LRP1B: variants seen among roughly 807,000 people sequenced by gnomAD.
LRP1B encodes low-density lipoprotein receptor-related protein 1B.
LRP1B carries 217 observed loss-of-function variants against 556.6 expected under a neutral mutation model. The observed-to-expected ratio is 0.39, with a 90% CI of 0.35 to 0.44. LRP1B has a LOEUF of 0.44. Ranked by LOEUF, LRP1B falls within the 20% of genes least tolerant of loss-of-function variation. LRP1B has a pLI of 1.00. For synonymous variants in LRP1B, 2,047 were observed against 1,865.8 expected (o/e 1.10, Z -2.50); for missense variants, 5,053 against 5,620.8 (o/e 0.90, Z 3.23).
rs966773683 is a variant in LRP1B, at chr2:140,740,941, G to A, written c.5759-24125C>T. Reference sequence around the variant, plus strand: ...AATATGGTCACATACTGAGGGGCTAGGGGTTAGAACTTCAACAAATGAATT... The same window carrying A: ...AATATGGTCACATACTGAGGGGCTAAGGGTTAGAACTTCAACAAATGAATT... On this transcript the variant is annotated intron_variant, in intron 35 of 90. Coordinates refer to ENST00000389484, the MANE Select transcript of LRP1B (RefSeq NM_018557.3). 3.0e-4 allele frequency among the ~76,000 whole-genome samples: 46 copies of A among 152,108 alleles called. 1 individual carries two copies. Among genetic ancestry groups the A allele is most frequent in the Non-Finnish European group, 1.5e-5 (1 of 68,020 alleles).
At chr2:141,301,846 C>T (rs1404834231) in intron 3 of LRP1B, among the ~76,000 whole-genome samples, 1 of 152,070 alleles carries the variant, frequency 6.6e-6, no homozygotes, top group East Asian at 1.9e-4. Flanking sequence ...CATTAGGCCT[C>T]TGGTTAAAGA....
intron 1 of LRP1B, among the ~76,000 whole-genome samples, chr2:141,970,602 T>C (rs1465622822): frequency 3.3e-5 from 5 of 151,518 alleles, no homozygotes; most frequent in African/African-American, 1.2e-4. Context: ...AATAAATGCA[T>C]CTGTAACTGT....
Position 141,103,583 on chromosome 2 carries a change from A to T in LRP1B, c.1014-41310T>A, listed in dbSNP as rs753799459. Among the ~76,000 whole-genome samples, 56 of 147,626 alleles carry T rather than the reference A, an allele frequency of 3.8e-4. 3 individuals carry two copies. The Middle Eastern group carries it at 0.044, about 117-fold the overall frequency. ...AAAACAAGAGGTAAAATTTTTCCAT[A>T]AAGAAATGTGCACCTATTTACCAGT... On this transcript the variant is annotated intron_variant, in intron 7 of 90. Coordinates refer to ENST00000389484, the MANE Select transcript of LRP1B (RefSeq NM_018557.3).
intron 52 of LRP1B, among the ~76,000 whole-genome samples, chr2:140,507,165 A>C (rs1574017035): frequency 1.3e-5 from 2 of 152,176 alleles, no homozygotes. Flanking sequence ...TTCCAGAGTG[A>C]CCCTGAATTC....
intron 35 of LRP1B, among the ~76,000 whole-genome samples, chr2:140,726,533 G>A (rs1490263242): frequency 6.6e-6 from 1 of 152,132 alleles, no homozygotes; most frequent in South Asian, 2.1e-4. Context: ...AAATGTGGGA[G>A]TGATATGACA....
rs199979359 is a variant in LRP1B, at chr2:141,105,918, T to TA, written c.1014-43646dup. On this transcript the variant is annotated intron_variant, in intron 7 of 90. Coordinates refer to ENST00000389484, the MANE Select transcript of LRP1B (RefSeq NM_018557.3). ...TCCAGAGGGACCACAATCATCCTCTTAAAAAAAAAGCTGGTCACCTTGAGA... is the reference window on the plus strand; with the variant it reads ...TCCAGAGGGACCACAATCATCCTCTTAAAAAAAAAAGCTGGTCACCTTGAGA... Among the ~76,000 whole-genome samples, 1,277 of 150,792 alleles carry TA rather than the reference T, an allele frequency of 8.5e-3. 18 individuals carry two copies. The highest frequency in any genetic ancestry group is 0.03 in the African/African-American group (1,228 of 41,150).
intron 50 of LRP1B, among the ~76,000 whole-genome samples, chr2:140,516,518 G>C (rs1184571384): frequency 1.3e-5 from 2 of 151,876 alleles, no homozygotes; most frequent in Admixed American, 6.6e-5. Flanking sequence ...TAATAGGTGG[G>C]GGAAATATAA....
intron 2 of LRP1B, among the ~76,000 whole-genome samples, chr2:141,615,111 G>A (rs149685463): frequency 4.9e-4 from 74 of 152,258 alleles, no homozygotes; most frequent in Middle Eastern, 3.4e-3. Context: ...CTGGAGGATA[G>A]GCCATCTTTG....
At chr2:140,320,228 G>A (rs369664600) in intron 82 of LRP1B, among the ~76,000 whole-genome samples, 1 of 151,850 alleles carries the variant, frequency 6.6e-6, no homozygotes, top group South Asian at 2.1e-4. Context: ...TTGTGTCACT[G>A]GCCACATAAA....
At chr2:141,161,873 A>C (rs966823426) in intron 7 of LRP1B, among the ~76,000 whole-genome samples, 1 of 152,040 alleles carries the variant, frequency 6.6e-6, no homozygotes, top group Non-Finnish European at 1.5e-5. Context: ...GAGCAGGGGG[A>C]AGTGATTTGC....
rs3063860 is a variant in LRP1B, at chr2:141,228,582, A to AGTGTGTGTGT, written c.850+591_850+600dup. Among the ~76,000 whole-genome samples the AGTGTGTGTGT allele has an allele frequency of 2.1e-3, 302 of 146,392 alleles. 2 individuals carry two copies. Among genetic ancestry groups the AGTGTGTGTGT allele is most frequent in the South Asian group, 9.5e-3 (43 of 4,534 alleles). On this transcript the variant is annotated intron_variant, in intron 6 of 90. Coordinates refer to ENST00000389484, the MANE Select transcript of LRP1B (RefSeq NM_018557.3). Reference sequence around the variant, plus strand: ...GCATCCCTGGGTGTCTGTGTGTATGAGTGTGTGTGTGTGTGTGTGTGTGTG... The same window carrying AGTGTGTGTGT: ...GCATCCCTGGGTGTCTGTGTGTATGAGTGTGTGTGTGTGTGTGTGTGTGTGTGTGTGTGTG...
At chr2:141,609,207 T>C (rs1405964104) in intron 2 of LRP1B, among the ~76,000 whole-genome samples, 2 of 152,184 alleles carry the variant, frequency 1.3e-5, no homozygotes, top group Non-Finnish European at 2.9e-5. Context: ...TATGGCCAAA[T>C]TCAAGTTACC....
At chr2:141,740,747 G>A (rs949555805) in intron 2 of LRP1B, among the ~76,000 whole-genome samples, 3 of 152,176 alleles carry the variant, frequency 2.0e-5, no homozygotes, top group South Asian at 4.1e-4. Context: ...CATTGGAGAC[G>A]TTCTGTTAAC....
At chr2:140,845,962 C>T (rs1468963240) in intron 29 of LRP1B, among the ~76,000 whole-genome samples, 1 of 152,034 alleles carries the variant, frequency 6.6e-6, no homozygotes, top group Non-Finnish European at 1.5e-5. Context: ...TTAGAGAAAA[C>T]AGAGGATTTT....
At chr2:141,103,562 CAA>C (rs1700521546) in intron 7 of LRP1B, among the ~76,000 whole-genome samples, 1 of 109,958 alleles carries the variant, frequency 9.1e-6, no homozygotes, top group South Asian at 3.1e-4. Flanking sequence ...TGATTGAAAA[CAA>C]GAGGTAAAAT....
rs2105342199 is a variant in LRP1B, at chr2:140,471,001, T to C, written c.9625+4137A>G. Reference sequence around the variant, plus strand: ...CTTATCTAAAATCAAAGCCTAAGATTTTCCTAGGAGGGTTTCAGTTTGGGA... The same window carrying C: ...CTTATCTAAAATCAAAGCCTAAGATCTTCCTAGGAGGGTTTCAGTTTGGGA... On this transcript the variant is annotated intron_variant, in intron 60 of 90. Coordinates refer to ENST00000389484, the MANE Select transcript of LRP1B (RefSeq NM_018557.3). Among the ~76,000 whole-genome samples the C allele has an allele frequency of 1.3e-5, 2 of 152,274 alleles. 1 individual carries two copies. Among genetic ancestry groups the C allele is most frequent in the African/African-American group, 4.8e-5 (2 of 41,564 alleles).
chr2:141,236,758 C>T (rs1375138868), intron 5 of LRP1B, among the ~76,000 whole-genome samples: 1 of 152,068 alleles, frequency 6.6e-6, no homozygotes, highest in Admixed American at 6.6e-5. Flanking sequence ...GGAAAAGATA[C>T]CTTTTTCCTG....
chr2:141,613,723 C>G (rs900984928), intron 2 of LRP1B, among the ~76,000 whole-genome samples: 4 of 152,060 alleles, frequency 2.6e-5, no homozygotes, highest in African/African-American at 9.7e-5. Context: ...AAGTAATACA[C>G]TAGTTTTGAA....
chr2:141,861,362 T>C (rs1403909783), intron 1 of LRP1B, among the ~76,000 whole-genome samples: 1 of 152,186 alleles, frequency 6.6e-6, no homozygotes, highest in African/African-American at 2.4e-5. Flanking sequence ...GATTAACAAC[T>C]TCTACAATAT....
Sources: gnomAD v4.1 joint callset for allele counts (sites outside exome capture counted in the v4.1 genomes callset) on GRCh38, gnomAD v4.1.1 for gene constraint, MANE v1.5 for transcripts, NCBI Gene and HGNC (gene_info 2026-07-23, HGNC 2026-07-21) for gene names.